The following TASOR2 variants were observed in gnomAD, a reference collection of about 807,000 sequenced individuals.
TASOR2 encodes protein TASOR 2.
TASOR2 carries 84 observed loss-of-function variants against 199.5 expected under a neutral mutation model. The observed-to-expected ratio is 0.42, with a 90% CI of 0.35 to 0.50. TASOR2 has a LOEUF of 0.50. Ranked by LOEUF, TASOR2 falls within the 20% of genes least tolerant of loss-of-function variation. The probability of loss-of-function intolerance (pLI) is 0.02; values close to 1 mark genes in which losing one functional copy is unlikely to be tolerated. For synonymous variants in TASOR2, 1,103 were observed against 1,046.6 expected (o/e 1.05, Z -1.04); for missense variants, 2,796 against 2,835.9 (o/e 0.99, Z 0.32).
rs1211745363 is a variant in TASOR2, at chr10:5,689,308, C to T, written c.-288+4133C>T. 6.6e-6 allele frequency among the ~76,000 whole-genome samples: 1 copy of T among 152,054 alleles called. No individual in the cohort carries two copies. The highest frequency in any genetic ancestry group is 2.4e-5 in the African/African-American group (1 of 41,384). ...TAGCTTTTTGCTGCTTTGCTGTTAA[C>T]TTGTATGTATTGGCCGGGTGCGGTG... is the stretch of plus-strand genomic sequence containing the variant. On this transcript the variant is annotated intron_variant, in intron 1 of 20. Coordinates refer to ENST00000328090, the Ensembl canonical transcript of TASOR2. This position sits in a 1 kb window ranked among gnomAD's most constrained non-coding sequence, Gnocchi z 4.1.
At chr10:5,749,681 C>G (rs1207924278) in exon 15 of TASOR2, 1 of 1,614,202 alleles carries the variant, frequency 6.2e-7, no homozygotes, top group Non-Finnish European at 8.5e-7. Context: ...AGAAATCACA[C>G]TGTTTCATTC....
intron 10 of TASOR2, among the ~76,000 whole-genome samples, chr10:5,728,220 CAA>C (rs71388473): frequency 0.53 from 70,889 of 134,528 alleles, 18,007 homozygotes; most frequent in Middle Eastern, 0.65. Flanking sequence ...GACCCTGTTT[CAA>C]AAAAAAAAAA....
At position 5,734,695 on chromosome 10, in the gene TASOR2, T is replaced by C. The variant is rs115996076; in HGVS notation, c.1205-609T>C. On this transcript the variant is annotated intron_variant, in intron 11 of 20. Coordinates refer to ENST00000328090, the Ensembl canonical transcript of TASOR2. The stretch of plus-strand genomic sequence containing the variant: ...GCATATTCAGTCTTACCTGTCACAT[T>C]AGTCAGGAAAGGTTATGAAGATTTT... 3.1e-3 allele frequency among the ~76,000 whole-genome samples: 470 copies of C among 149,412 alleles called. 2 individuals carry two copies. Among genetic ancestry groups the C allele is most frequent in the African/African-American group, 0.011 (445 of 40,878 alleles).
In TASOR2 at chr10:5,719,248, A is replaced by C. The variant is rs1049837547; in HGVS notation, c.-99-1296A>C. Among the ~76,000 whole-genome samples, 2 of 152,214 alleles carry C rather than the reference A, an allele frequency of 1.3e-5. No individual in the cohort carries two copies. The highest frequency in any genetic ancestry group is 4.8e-5 in the African/African-American group (2 of 41,460). On this transcript the variant is annotated intron_variant, in intron 3 of 20. Transcript: ENST00000328090. This position sits in a 1 kb window ranked among gnomAD's most constrained non-coding sequence, Gnocchi z 4.1. Reference sequence around the variant, plus strand: ...TGATATAAGTTAATAACATCTTGTGAACATTGTCTTATGTCATTGTATTAT... The same window carrying C: ...TGATATAAGTTAATAACATCTTGTGCACATTGTCTTATGTCATTGTATTAT...
rs902166551 is a variant in TASOR2 at position 5,717,719 on chromosome 10, C to G, written c.-131C>G. On this transcript the variant is annotated 5_prime_UTR_variant, in exon 3 of 21. In the 5' UTR this introduces an upstream ATG that the reference lacks. Transcript: ENST00000328090. ...TCAAGACCATGGTATCATGGGAAATCTGGTTATGTTGTAATTTTTAATATA... is the reference window on the plus strand; with the variant it reads ...TCAAGACCATGGTATCATGGGAAATGTGGTTATGTTGTAATTTTTAATATA... 3.3e-6 allele frequency: 4 copies of G among 1,222,768 alleles called. No homozygotes were observed. Among genetic ancestry groups the G allele is most frequent in the Non-Finnish European group, 4.1e-6 (4 of 979,666 alleles). The allele number at this position is 1,222,768 out of a possible 1,614,324, so 75.7% of individuals were successfully genotyped here. A position where few individuals can be genotyped will look rare whatever the true frequency, so the allele number is the denominator to read the frequency against.
chr10:5,748,208 C>T lies in TASOR2; in HGVS notation c.4787C>T (p.Ala1596Val), dbSNP rs765775733. ...TCTGACACATTGGTTTCCACAACTG[C>T]ACCAAGTGGTATAGTGAATGTGTCA... Residue 1596 changes from alanine (A) to valine (V), a missense_variant, in exon 15 of 21, where the codon GCA becomes GTA. Ala to Val is a moderately conservative substitution (Grantham distance 64). This residue lies in a region of TASOR2 where 1,941 missense variants were observed against 1,924.9 expected (regional missense o/e 1.01). Transcript: ENST00000328090. The surrounding 1 kb of genome is among the most constrained non-coding windows in gnomAD (Gnocchi z 5.1). The T allele has an allele frequency of 1.2e-6, 2 of 1,614,226 alleles. No homozygotes were observed. The highest frequency in any genetic ancestry group is 1.1e-5 in the South Asian group (1 of 91,084).
chr10:5,696,687 A>G (rs75924593), intron 1 of TASOR2, among the ~76,000 whole-genome samples: 2,061 of 152,266 alleles, frequency 0.014, 49 homozygotes, highest in African/African-American at 0.047. Flanking sequence ...ACATTTGAGT[A>G]TAAATGTACA....
intron 19 of TASOR2, 194 bp downstream of exon 20, chr10:5,761,665 CTATG>C (rs1301682791): frequency 1.7e-6 from 1 of 581,502 alleles, no homozygotes; most frequent in Non-Finnish European, 3.1e-6. Context: ...CACAATCCTC[CTATG>C]TATGTAAGTC....
chr10:5,715,049 C>T (rs1163171382), intron 2 of TASOR2, among the ~76,000 whole-genome samples: 2 of 151,884 alleles, frequency 1.3e-5, no homozygotes, highest in Non-Finnish European at 2.9e-5. Context: ...GAGGATAGAA[C>T]GAGGAATTGT....
At position 5,750,043 on chromosome 10, in the gene TASOR2, C is replaced by T. The variant is rs756215358; in HGVS notation, c.6606+16C>T. The T allele has an allele frequency of 8.4e-6, 13 of 1,556,830 alleles. No homozygotes were observed. Among genetic ancestry groups the T allele is most frequent in the South Asian group, 2.5e-5 (2 of 81,218 alleles). On this transcript the variant is annotated intron_variant, in intron 15 of 20. Coordinates refer to ENST00000328090, the Ensembl canonical transcript of TASOR2. This position sits in a 1 kb window ranked among gnomAD's most constrained non-coding sequence, Gnocchi z 5.4. The stretch of plus-strand genomic sequence containing the variant: ...AAGAACAAAGGTAAAGTGCCAGCCA[C>T]GTCTTACGTATTATTTTAATTGCTG...
rs1184470632 is a variant in TASOR2, at chr10:5,748,133, C to A, written c.4712C>A (p.Ser1571Tyr). The change falls in exon 15 of 21, where the codon TCC (serine) becomes TAC (tyrosine). Residue 1571 changes from serine (S) to tyrosine (Y), a missense_variant. By Grantham distance (144) the Ser-to-Tyr change is moderately radical (BLOSUM62 -2). Coordinates refer to ENST00000328090, the Ensembl canonical transcript of TASOR2. The surrounding 1 kb of genome is among the most constrained non-coding windows in gnomAD (Gnocchi z 5.1). ...GACTTAAAACATCTTGTCTTGGAGT[C>A]CAGTGAACCTCCATTTGGTCCTAGA... 6.2e-7 allele frequency: 1 copy of A among 1,614,184 alleles called. No individual in the cohort carries two copies. The highest frequency in any genetic ancestry group is 1.1e-5 in the South Asian group (1 of 91,086).
At position 5,722,758 on chromosome 10, in the gene TASOR2, A is replaced by C. The variant is rs1286845286; in HGVS notation, c.147-919A>C. On this transcript the variant is annotated intron_variant, in intron 6 of 20. Transcript: ENST00000328090. The surrounding 1 kb of genome is among the most constrained non-coding windows in gnomAD (Gnocchi z 4.0). ...CACAGTGGCTTACACCTGTAGTCCCAGCACTTTGGGAGGCCGAGGTGAGCA... is the reference window on the plus strand; with the variant it reads ...CACAGTGGCTTACACCTGTAGTCCCCGCACTTTGGGAGGCCGAGGTGAGCA... Among the ~76,000 whole-genome samples, 1 of 152,144 alleles carries C rather than the reference A, an allele frequency of 6.6e-6. No homozygotes were observed. Among genetic ancestry groups the C allele is most frequent in the Non-Finnish European group, 1.5e-5 (1 of 68,034 alleles).
chr10:5,757,823 T>C, intron 17 of TASOR2, 150 bp downstream of exon 18: 1 of 754,402 alleles, frequency 1.3e-6, no homozygotes, highest in Non-Finnish European at 2.2e-6. Flanking sequence ...TCTGCTGTGC[T>C]CTTTTCATAC....
chr10:5,712,558 A>G (rs1370193286), intron 1 of TASOR2: 2 of 1,231,278 alleles, frequency 1.6e-6, no homozygotes, highest in Non-Finnish European at 2.0e-6. Context: ...CTTGGTACAC[A>G]CTATGATGGT....
At position 5,754,871 on chromosome 10, in the gene TASOR2, A is replaced by ATC; in HGVS notation, c.6607-1738_6607-1737dup. On this transcript the variant is annotated intron_variant, in intron 15 of 20. Transcript: ENST00000328090. This position sits in a 1 kb window ranked among gnomAD's most constrained non-coding sequence, Gnocchi z 4.3. ...TTCCTGGCTAACACCGTGAAACCCC[A>ATC]TCTCTACTAAAAATACAAAAAGAAA... 6.6e-6 allele frequency among the ~76,000 whole-genome samples: 1 copy of ATC among 151,882 alleles called. No individual in the cohort carries two copies. Among genetic ancestry groups the ATC allele is most frequent in the East Asian group, 2.0e-4 (1 of 5,118 alleles).
intron 6 of TASOR2, among the ~76,000 whole-genome samples, chr10:5,723,184 T>C (rs1196746675): frequency 6.7e-6 from 1 of 148,924 alleles, no homozygotes; most frequent in African/African-American, 2.5e-5. Context: ...CCCGAGTAGC[T>C]GGGTGGGACT....
chr10:5,746,982 T>G (rs1257200329), exon 15 of TASOR2: 1 of 1,614,200 alleles, frequency 6.2e-7, no homozygotes, highest in East Asian at 2.2e-5. Context: ...TTTCACAGAC[T>G]CAGAGTCTCC....
Position 5,745,849 on chromosome 10 carries a change from GATTAAGCGGTGCTAAGTAGCAAAC to G in TASOR2, c.2758-328_2758-305del, listed in dbSNP as rs569155554. On this transcript the variant is annotated intron_variant, in intron 14 of 20. Transcript: ENST00000328090. ...CTTTTTCTCTAGTGCTACACTTCTGGATTAAGCGGTGCTAAGTAGCAAACAGGCTGCATTTAAAGTCTTTTAAAT... is the reference window on the plus strand; with the variant it reads ...CTTTTTCTCTAGTGCTACACTTCTGGAGGCTGCATTTAAAGTCTTTTAAAT... Among the ~76,000 whole-genome samples, 45 of 152,220 alleles carry G rather than the reference GATTAAGCGGTGCTAAGTAGCAAAC, an allele frequency of 3.0e-4. No individual in the cohort carries two copies. The South Asian group carries it at 8.9e-3, about 30-fold the overall frequency.
chr10:5,749,466 T>G, exon 15 of TASOR2: 1 of 1,614,146 alleles, frequency 6.2e-7, no homozygotes, highest in Non-Finnish European at 8.5e-7. Context: ...AGATCTCCAT[T>G]GGTGCTTTCC....
Sources: allele counts gnomAD v4.1 joint callset (sites outside exome capture counted in the v4.1 genomes callset), GRCh38; gene constraint gnomAD v4.1.1; regional missense constraint gnomAD v4.1.1; non-coding constraint Gnocchi (gnomAD v3.1); transcripts MANE v1.5; gene names NCBI Gene and HGNC (gene_info 2026-07-23, HGNC 2026-07-21).